The following ZP4 variants were observed in gnomAD, a reference collection of about 807,000 sequenced individuals.
ZP4 encodes zona pellucida glycoprotein 4.
Under a neutral mutation model 62.3 loss-of-function variants are expected in ZP4, and 62 were observed. That is an observed-to-expected ratio of 0.99 (90% CI 0.81 to 1.23). ZP4 has a LOEUF of 1.23. Ranked by LOEUF, ZP4 falls within the 50% of genes most tolerant of loss-of-function variation. The pLI, the probability that ZP4 is intolerant of heterozygous loss-of-function variation, is 0.00. For synonymous variants in ZP4, 289 were observed against 247.3 expected (o/e 1.17, Z -1.58); for missense variants, 774 against 656.0 (o/e 1.18, Z -1.97).
rs1558530236 is a variant in ZP4, at chr1:237,883,753, G to GAGAGAGGA, written c.1391-908_1391-907insTCCTCTCT. Among the ~76,000 whole-genome samples, 13 of 59,462 alleles carry GAGAGAGGA rather than the reference G, an allele frequency of 2.2e-4. 1 individual carries two copies. The highest frequency in any genetic ancestry group is 1.8e-3 in the South Asian group (2 of 1,094). The allele number at this position is 59,462 out of a possible 152,430, so 39.0% of individuals were successfully genotyped here. Reference sequence around the variant, plus strand: ...GGAGGGAGAGAGAGGGAGAGAGAGGGAGAGAGAGGGAGAGAGAGGAAGAGA... The same window carrying GAGAGAGGA: ...GGAGGGAGAGAGAGGGAGAGAGAGGGAGAGAGGAAGAGAGAGGGAGAGAGAGGAAGAGA... On this transcript the variant is annotated intron_variant, in intron 10 of 11. Coordinates refer to ENST00000366570, the MANE Select transcript of ZP4 (RefSeq NM_021186.5).
chr1:237,883,711 G>GAAA, intron 10 of ZP4, among the ~76,000 whole-genome samples: 1 of 53,488 alleles, frequency 1.9e-5, no homozygotes, highest in African/African-American at 9.1e-5. Context: ...GGGCGGGGGA[G>GAAA]GGCGGGGGAG....
rs1474051804 is a variant in ZP4 at position 237,886,827 on chromosome 1, T to C, written c.783A>G (p.Ala261=). Reference sequence around the variant, plus strand: ...GGCTCCCATTTTTCACATCCCTAGTTGCCACCAGTTCATTTTCATATACTG... The same window carrying C: ...GGCTCCCATTTTTCACATCCCTAGTCGCCACCAGTTCATTTTCATATACTG... ...DRAVYENELV[A]TRDVKNGSRG... Residue 261 remains alanine (A), a synonymous_variant, in exon 6 of 12, where the codon GCA becomes GCG. Coordinates refer to ENST00000366570, the MANE Select transcript of ZP4 (RefSeq NM_021186.5). The C allele has an allele frequency of 6.2e-7, 1 of 1,614,130 alleles. No individual in the cohort carries two copies. The highest frequency in any genetic ancestry group is 8.5e-7 in the Non-Finnish European group (1 of 1,180,008).
At chr1:237,889,791 G>T (rs1665193379) in intron 3 of ZP4, 76 bp downstream of exon 3, 1 of 1,301,850 alleles carries the variant, frequency 7.7e-7, no homozygotes, top group Non-Finnish European at 1.1e-6. Flanking sequence ...CACAGAGCAG[G>T]TCAGAGAGGA....
chr1:237,883,475 G>C (rs1664962745), intron 10 of ZP4, among the ~76,000 whole-genome samples: 1 of 151,446 alleles, frequency 6.6e-6, no homozygotes, highest in Non-Finnish European at 1.5e-5. Flanking sequence ...AACACTTTGG[G>C]GGGCCAAGGC....
chr1:237,889,762 TTA>T, intron 3 of ZP4, 103 bp downstream of exon 3: 1 of 970,260 alleles, frequency 1.0e-6, no homozygotes, highest in Non-Finnish European at 1.6e-6. Context: ...CCTTCCTTCA[TTA>T]GTGTCAGGTG....
At chr1:237,883,633 AGG>A (rs1664971578) in intron 10 of ZP4, among the ~76,000 whole-genome samples, 1 of 11,152 alleles carries the variant, frequency 9.0e-5, no homozygotes. Flanking sequence ...AGAGAGGGGG[AGG>A]GGGAGGGCGG....
At chr1:237,887,020 G>A (rs748507202) in intron 5 of ZP4, 152 bp from the exon 6 acceptor site, 36 of 708,036 alleles carry the variant, frequency 5.1e-5, no homozygotes, top group Middle Eastern at 2.4e-4. Flanking sequence ...GTGACATCCT[G>A]GCAAGTTATC....
At chr1:237,887,177 G>T (rs1204156373) in intron 5 of ZP4, among the ~76,000 whole-genome samples, 197 bp downstream of exon 5, 2 of 152,178 alleles carry the variant, frequency 1.3e-5, no homozygotes, top group Admixed American at 6.5e-5. Flanking sequence ...GATCACAGCT[G>T]TGATGGTCTT....
Position 237,887,432 on chromosome 1 carries a change from G to A in ZP4, c.683C>T (p.Ala228Val), listed in dbSNP as rs949340486. The A allele has an allele frequency of 1.2e-6, 2 of 1,614,222 alleles. No homozygotes were observed. The highest frequency in any genetic ancestry group is 1.3e-5 in the African/African-American group (1 of 75,058). The change falls in exon 5 of 12, where the codon GCA (alanine) becomes GTA (valine). Residue 228 changes from alanine to valine, a missense_variant. Physicochemically the swap from Ala to Val is moderately conservative, Grantham distance 64. Coordinates refer to ENST00000366570, the MANE Select transcript of ZP4 (RefSeq NM_021186.5). ...CTGGAACAGAACAAAAGCTTGTGTT[G>A]CCATCACAGGGTTACACGCACTGTC... ...RNDSACNPVM[A>V]TQAFVLFQFP...
chr1:237,886,287 CGG>C (rs1417835774), intron 6 of ZP4, among the ~76,000 whole-genome samples: 1 of 152,022 alleles, frequency 6.6e-6, no homozygotes. Context: ...AGGCTGCAAT[CGG>C]GGAATAGTGA....
In ZP4 at chr1:237,885,296, T is replaced by C. The variant is rs765392786; in HGVS notation, c.1180A>G (p.Asn394Asp). 5 of 1,613,962 alleles carry C rather than the reference T, an allele frequency of 3.1e-6. No individual in the cohort carries two copies. The highest frequency in any genetic ancestry group is 3.3e-5 in the Admixed American group (2 of 60,002). Residue 394 changes from asparagine to aspartate, a missense_variant, in exon 9 of 12, where the codon AAC becomes GAC. Transcript: ENST00000366570. ...ACAGGGATCAGCTGGGTCTGATAGT[T>C]GTCTCCAATGTAGGGGCAGCTAGAC... is the stretch of plus-strand genomic sequence containing the variant. ...LVKGCPYIGDNYQTQLIPVQK... is the reference protein window; with the variant it reads ...LVKGCPYIGDDYQTQLIPVQK...
rs1558530648 is a variant in ZP4, at chr1:237,883,967, A to AAACACACAC, written c.1390+801_1390+802insGTGTGTGTT. Among the ~76,000 whole-genome samples, 283 of 86,382 alleles carry AAACACACAC rather than the reference A, an allele frequency of 3.3e-3. 5 individuals carry two copies. The highest frequency in any genetic ancestry group is 4.8e-3 in the East Asian group (12 of 2,514). The allele number at this position is 86,382 out of a possible 152,430, so 56.7% of individuals were successfully genotyped here. A position where few individuals can be genotyped will look rare whatever the true frequency, so the allele number is the denominator to read the frequency against. On this transcript the variant is annotated intron_variant, in intron 10 of 11. Transcript: ENST00000366570. ...AGAGCAAGAACTGGTCACACACACA[A>AAACACACAC]ACACACACACACACAAACACACACA...
Position 237,890,462 on chromosome 1 carries a change from C to T in ZP4, c.174G>A (p.Trp58Ter), listed in dbSNP as rs763763952. 5.0e-6 allele frequency: 8 copies of T among 1,607,248 alleles called. No individual in the cohort carries two copies. In the East Asian group the frequency reaches 8.9e-5, roughly 18 times the overall value. ...AGCAAGGCAAGTCATCAAACTTACC[C>T]CAAGCTATTAGTACAGGAGGAGACG... ...EATSPPVLIA[W>*]DNQGLLHELQ... is the part of the protein sequence containing the mutation. The change falls in exon 1 of 12, where the codon TGG (tryptophan) becomes TGA (stop). Residue 58 changes from tryptophan to a stop codon, truncating the protein, a stop_gained and splice_region_variant. Transcript: ENST00000366570. LOFTEE classifies it high-confidence loss of function.
chr1:237,889,800 G>A (rs1558535183), intron 3 of ZP4, 67 bp downstream of exon 3: 4 of 1,403,254 alleles, frequency 2.9e-6, no homozygotes, highest in South Asian at 2.3e-5. Flanking sequence ...GGTCAGAGAG[G>A]ACCAAGAGTA....
At chr1:237,882,643 C>A (rs1025669418) in intron 11 of ZP4, 94 bp from the exon 12 acceptor site, 1 of 1,573,192 alleles carries the variant, frequency 6.4e-7, no homozygotes, top group Non-Finnish European at 8.6e-7. Context: ...ATAGGAAGGT[C>A]AATTTCTTTT....
chr1:237,889,992 G>A (rs1665201347), intron 2 of ZP4, 23 bp from the exon 3 acceptor site: 1 of 1,614,126 alleles, frequency 6.2e-7, no homozygotes, highest in Non-Finnish European at 8.5e-7. Flanking sequence ...GCCCTTGGGG[G>A]TCAGCCTGGA....
rs192960963 is a variant in ZP4, at chr1:237,888,430, G to C, written c.481C>G (p.Arg161Gly). 3 of 1,612,278 alleles carry C rather than the reference G, an allele frequency of 1.9e-6. No homozygotes were observed. The highest frequency in any genetic ancestry group is 2.5e-6 in the Non-Finnish European group (3 of 1,178,854). Reference sequence around the variant, plus strand: ...CAGCCTAGCCCTTCACAGTCTCCTCGAGAGATGGGTGAAGGTGCACATGGC... The same window carrying C: ...CAGCCTAGCCCTTCACAGTCTCCTCCAGAGATGGGTGAAGGTGCACATGGC... The part of the protein sequence containing the change: ...RLPCAPSPIS[R>G]GDCEGLGCCY... Residue 161 changes from arginine (R) to glycine (G), a missense_variant, in exon 4 of 12, where the codon CGA (arginine) becomes GGA (glycine). Arg to Gly is a moderately radical substitution (Grantham distance 125). Coordinates refer to ENST00000366570, the MANE Select transcript of ZP4 (RefSeq NM_021186.5).
chr1:237,882,917 G>T, intron 10 of ZP4, 71 bp from the exon 11 acceptor site: 2 of 1,322,196 alleles, frequency 1.5e-6, no homozygotes, highest in Non-Finnish European at 1.1e-6. Flanking sequence ...AAATGTTATG[G>T]TGCAAGGCCA....
At chr1:237,887,262 A>G (rs945870453) in intron 5 of ZP4, 112 bp downstream of exon 5, 1 of 1,279,418 alleles carries the variant, frequency 7.8e-7, no homozygotes, top group African/African-American at 1.5e-5. Context: ...CCCAAACTCC[A>G]AGTAGTAGTC....
Sources: gnomAD v4.1 joint callset for allele counts (sites outside exome capture counted in the v4.1 genomes callset) on GRCh38, gnomAD v4.1.1 for gene constraint, MANE v1.5 for transcripts, NCBI Gene and HGNC (gene_info 2026-07-23, HGNC 2026-07-21) for gene names.